The following C3orf49 variants were observed in gnomAD, a reference collection of about 807,000 sequenced individuals.
The protein encoded by C3orf49 is chromosome 3 open reading frame 49.
A neutral mutation model predicts 13.3 loss-of-function variants in C3orf49; 27 were observed. The observed-to-expected ratio is 2.02, with a 90% confidence interval of 1.49 to 2.79. The LOEUF (loss-of-function observed/expected upper bound fraction) is 2.79. Among genes scored for constraint, C3orf49 ranks in the 30% most tolerant of loss-of-function variants. C3orf49 has a pLI of 0.00. For synonymous variants in C3orf49, 87 were observed against 47.6 expected (o/e 1.83, Z -3.40); for missense variants, 242 against 134.2 (o/e 1.80, Z -3.97).
At chr3:63,812,940 T>C in the C3orf49 span, among the ~76,000 whole-genome samples, 1 of 152,250 alleles carries the variant, frequency 6.6e-6, no homozygotes, top group African/African-American at 2.4e-5. Context: ...TAAATCTTTG[T>C]TATACATTAT....
At chr3:63,831,355 CA>C (rs2107107929) in intron 4 of C3orf49, 132 bp downstream of exon 4, 2 of 613,674 alleles carry the variant, frequency 3.3e-6, no homozygotes, top group South Asian at 2.0e-5. Flanking sequence ...ATAATGTTAG[CA>C]GGGGGGCATT....
upstream of C3orf49, among the ~76,000 whole-genome samples, chr3:63,815,893 T>C (rs1489533329): frequency 6.6e-6 from 1 of 151,318 alleles, no homozygotes; most frequent in Non-Finnish European, 1.5e-5. Context: ...GCCGGGAGGT[T>C]CTCCTCCCTC....
intron 5 of C3orf49, among the ~76,000 whole-genome samples, chr3:63,840,464 C>G (rs949862452): frequency 6.6e-6 from 1 of 152,018 alleles, no homozygotes; most frequent in East Asian, 1.9e-4. Flanking sequence ...GTGGCATGTG[C>G]CTGTTAGTCC....
chr3:63,785,454 C>T, the C3orf49 span, among the ~76,000 whole-genome samples: 2 of 152,112 alleles, frequency 1.3e-5, no homozygotes, highest in Non-Finnish European at 2.9e-5. Flanking sequence ...AATATCTTAT[C>T]AGATTCAGGA....
intron 5 of C3orf49, among the ~76,000 whole-genome samples, chr3:63,842,157 C>A (rs776280329): frequency 4.6e-5 from 7 of 152,034 alleles, no homozygotes; most frequent in Non-Finnish European, 8.8e-5. Context: ...ATTGAAATGA[C>A]CTGAATAGAC....
the C3orf49 span, among the ~76,000 whole-genome samples, chr3:63,793,836 T>C: frequency 6.6e-6 from 1 of 152,100 alleles, no homozygotes; most frequent in African/African-American, 2.4e-5. Context: ...CTTCTTAGAA[T>C]ATGCTTGGGA....
chr3:63,799,310 C>T, the C3orf49 span, among the ~76,000 whole-genome samples: 2 of 152,072 alleles, frequency 1.3e-5, no homozygotes, highest in Non-Finnish European at 2.9e-5. Context: ...GTACTCAATA[C>T]TTTTTAAAAC....
the C3orf49 span, among the ~76,000 whole-genome samples, chr3:63,784,265 TAAC>T: frequency 7.2e-5 from 11 of 152,302 alleles, no homozygotes; most frequent in South Asian, 2.3e-3. Context: ...AAAAAGTCAT[TAAC>T]AACTTTTACT....
At chr3:63,807,828 G>A in the C3orf49 span, among the ~76,000 whole-genome samples, 3 of 123,274 alleles carry the variant, frequency 2.4e-5, no homozygotes, top group African/African-American at 9.7e-5. Flanking sequence ...TTGCATTCCA[G>A]CCTGGGCAAC....
chr3:63,833,321 A>T, intron 5 of C3orf49, among the ~76,000 whole-genome samples: 1 of 151,972 alleles, frequency 6.6e-6, no homozygotes, highest in African/African-American at 2.4e-5. Flanking sequence ...CTGGTCTCGA[A>T]CTCCTGACCT....
chr3:63,825,679 C>T (rs1241896264), intron 2 of C3orf49, among the ~76,000 whole-genome samples: 3 of 152,188 alleles, frequency 2.0e-5, no homozygotes, highest in Non-Finnish European at 4.4e-5. Flanking sequence ...TTGCTCTTCC[C>T]TGCTGACCTT....
the C3orf49 span, among the ~76,000 whole-genome samples, chr3:63,814,287 G>A: frequency 1.3e-5 from 2 of 152,072 alleles, no homozygotes; most frequent in African/African-American, 4.8e-5. Flanking sequence ...TTAAATGTGC[G>A]AGTCTTCTTA....
intron 1 of C3orf49, among the ~76,000 whole-genome samples, chr3:63,822,441 G>A (rs1254149231): frequency 1.3e-5 from 2 of 152,216 alleles, no homozygotes; most frequent in Non-Finnish European, 2.9e-5. Flanking sequence ...CACCGTACAG[G>A]TGATACTCTA....
chr3:63,839,806 C>T (rs1466808786), intron 5 of C3orf49: 2 of 1,568,856 alleles, frequency 1.3e-6, no homozygotes, highest in Non-Finnish European at 1.8e-6. Context: ...TACCATCTGG[C>T]TCTTGGTAAC....
upstream of C3orf49, among the ~76,000 whole-genome samples, chr3:63,814,877 TA>T (rs1212525399): frequency 6.6e-6 from 1 of 151,914 alleles, no homozygotes; most frequent in Admixed American, 6.6e-5. Context: ...GGTAATTTAC[TA>T]AAAAAAAGGT....
the C3orf49 span, among the ~76,000 whole-genome samples, chr3:63,803,815 A>C: frequency 2.0e-5 from 3 of 152,122 alleles, no homozygotes; most frequent in Non-Finnish European, 4.4e-5. Context: ...ATTCAAGATC[A>C]TTATATTTAC....
In C3orf49 at chr3:63,819,585, G is replaced by A. The variant is rs533826922; in HGVS notation, c.114G>A (p.Lys38=). ...LKKKNGSFKR[K]GIERWHRAVS... ...AGAAAAATGGCTCATTCAAAAGGAAGGGGATAGAAAGGTAACAGAGATTCA... is the reference window on the plus strand; with the variant it reads ...AGAAAAATGGCTCATTCAAAAGGAAAGGGATAGAAAGGTAACAGAGATTCA... Residue 38 remains lysine, a synonymous_variant, in exon 1 of 7, where the codon AAG becomes AAA. Coordinates refer to ENST00000295896, the MANE Select transcript of C3orf49 (RefSeq NM_001355236.2). 3.4e-5 allele frequency: 24 copies of A among 703,444 alleles called. No individual in the cohort carries two copies. The East Asian group carries it at 6.4e-4, about 19-fold the overall frequency. The allele number at this position is 703,444 out of a possible 1,614,324, so 43.6% of individuals were successfully genotyped here.
At chr3:63,789,810 C>CAAAAA in the C3orf49 span, among the ~76,000 whole-genome samples, 5 of 49,658 alleles carry the variant, frequency 1.0e-4, no homozygotes, top group African/African-American at 3.1e-4. Flanking sequence ...GACTCTGTCT[C>CAAAAA]AAAAAAAAAA....
At chr3:63,793,051 C>T in the C3orf49 span, among the ~76,000 whole-genome samples, 1 of 152,042 alleles carries the variant, frequency 6.6e-6, no homozygotes, top group Non-Finnish European at 1.5e-5. Flanking sequence ...AATGGGTTCC[C>T]ACTCCTTTCA....
Sources: allele counts gnomAD v4.1 joint callset (sites outside exome capture counted in the v4.1 genomes callset), GRCh38; gene constraint gnomAD v4.1.1; transcripts MANE v1.5; gene names NCBI Gene and HGNC (gene_info 2026-07-23, HGNC 2026-07-21).